The following GRM5 variants were observed in gnomAD, a reference collection of about 807,000 sequenced individuals.
The protein encoded by GRM5 is glutamate metabotropic receptor 5.
In GRM5, 19 loss-of-function variants were observed where a neutral mutation model predicts 83.1. That is an observed-to-expected ratio of 0.23 (90% CI 0.16 to 0.34). The LOEUF is 0.34. Among genes scored for constraint, GRM5 ranks in the 10% least tolerant of loss-of-function variants. GRM5 has a pLI of 1.00. For missense variants in GRM5, 1,160 were observed against 1,588.3 expected, an observed-to-expected ratio of 0.73 and a Z score of 4.58; for synonymous variants, 675 against 633.6, an observed-to-expected ratio of 1.07 and a Z score of -0.98.
At chr11:88,571,057 T>C (rs1942989415) in intron 7 of GRM5, among the ~76,000 whole-genome samples, 1 of 152,178 alleles carries the variant, frequency 6.6e-6, no homozygotes, top group Non-Finnish European at 1.5e-5. Context: ...AAGAATGAGC[T>C]GGAAAAAGTA....
At chr11:88,979,918 T>C (rs918050536) in intron 2 of GRM5, among the ~76,000 whole-genome samples, 18 of 152,336 alleles carry the variant, frequency 1.2e-4, no homozygotes, top group South Asian at 8.3e-4. Flanking sequence ...CAGATTCTTA[T>C]TGAAGACCTC....
At chr11:88,630,836 C>G (rs1938950037) in intron 4 of GRM5, among the ~76,000 whole-genome samples, 1 of 152,156 alleles carries the variant, frequency 6.6e-6, no homozygotes, top group Non-Finnish European at 1.5e-5. Context: ...CCTCGGCCTC[C>G]CAAAGTGCTG....
chr11:88,512,762 G>T (rs1345798376), intron 9 of GRM5, among the ~76,000 whole-genome samples: 1 of 152,138 alleles, frequency 6.6e-6, no homozygotes, highest in Non-Finnish European at 1.5e-5. Flanking sequence ...GAAAAGAGCT[G>T]GTAAAGAGAA....
At chr11:89,059,161 A>G (rs1378487304) in intron 1 of GRM5, among the ~76,000 whole-genome samples, 2 of 152,156 alleles carry the variant, frequency 1.3e-5, no homozygotes, top group Admixed American at 6.5e-5. Flanking sequence ...CTGAACCAGC[A>G]TTATTGTGAA....
At chr11:88,585,741 T>C (rs1943300504) in intron 7 of GRM5, among the ~76,000 whole-genome samples, 2 of 152,106 alleles carry the variant, frequency 1.3e-5, no homozygotes, top group Non-Finnish European at 1.5e-5. Flanking sequence ...ATATTCAGTA[T>C]CTTATTATTA....
chr11:88,630,848 G>C (rs562329375), intron 4 of GRM5, among the ~76,000 whole-genome samples: 92 of 152,208 alleles, frequency 6.0e-4, no homozygotes, highest in Admixed American at 1.8e-3. Context: ...AAAGTGCTGG[G>C]ATTACAGGCA....
At chr11:88,537,306 T>A (rs924784302) in intron 8 of GRM5, among the ~76,000 whole-genome samples, 2 of 152,146 alleles carry the variant, frequency 1.3e-5, no homozygotes, top group Non-Finnish European at 2.9e-5. Context: ...GCAAACAGAT[T>A]GGCATTTCTC....
chr11:88,984,789 A>T, intron 2 of GRM5: 1 of 739,954 alleles, frequency 1.4e-6, no homozygotes, highest in East Asian at 2.5e-5. Flanking sequence ...AAACAGAGAG[A>T]CAGCACTTGG....
In GRM5 at chr11:88,583,006, T is replaced by C. The variant is rs972688224; in HGVS notation, c.1690+7595A>G. Among the ~76,000 whole-genome samples the C allele has an allele frequency of 7.2e-5, 11 of 151,952 alleles. No individual in the cohort carries two copies. The South Asian group carries it at 2.3e-3, about 32-fold the overall frequency. ...GTTTCATTCAACTGTAGAATAATAA[T>C]CTCAACCTTAAAGGATTAAAAAAGG... On this transcript the variant is annotated intron_variant, in intron 7 of 9. Transcript: ENST00000305447.
At chr11:88,899,258 T>G (rs1170787853) in intron 2 of GRM5, among the ~76,000 whole-genome samples, 1 of 151,872 alleles carries the variant, frequency 6.6e-6, no homozygotes, top group Non-Finnish European at 1.5e-5. Flanking sequence ...GCAGAGGGTA[T>G]AGGGAGAAGT....
rs370688759 is a variant in GRM5, at chr11:88,761,736, G to A, written c.911+88170C>T. Among the ~76,000 whole-genome samples the A allele has an allele frequency of 9.2e-5, 14 of 151,946 alleles. No homozygotes were observed. In the East Asian group the frequency reaches 2.5e-3, roughly 27 times the overall value. The stretch of plus-strand genomic sequence containing the variant: ...TCATCTGGAACCAAAAAAAGGTTCC[G>A]AATAGCCAAGACAATTCCAAGCAAA... On this transcript the variant is annotated intron_variant, in intron 3 of 9. Transcript: ENST00000305447.
Position 88,567,859 on chromosome 11 carries a change from T to A in GRM5, c.1824A>T (p.Pro608=), listed in dbSNP as rs775652225. The A allele has an allele frequency of 4.3e-6, 7 of 1,613,918 alleles. No individual in the cohort carries two copies. The South Asian group carries it at 7.7e-5, about 18-fold the overall frequency. ...TVVFIIYRDT[P]VVKSSSRELC... is the part of the protein sequence containing the mutation. ...GTTCCCTGCTTGAGGACTTGACTAC[T>A]GGTGTATCACGGTAAATGATGAAGA... is the stretch of plus-strand genomic sequence containing the variant. The change falls in exon 8 of 10, where the codon CCA becomes CCT. Residue 608 remains proline (P), a synonymous_variant. Coordinates refer to ENST00000305447, the MANE Select transcript of GRM5 (RefSeq NM_001143831.3). The surrounding 1 kb of genome is among the most constrained non-coding windows in gnomAD (Gnocchi z 7.3).
At chr11:89,010,097 C>G (rs4753210) in intron 2 of GRM5, among the ~76,000 whole-genome samples, 97,664 of 149,404 alleles carry the variant, frequency 0.65, 33,118 homozygotes, top group African/African-American at 0.84. Context: ...ATGTATATGG[C>G]CATATACATT....
chr11:88,924,217 A>G lies in GRM5; in HGVS notation c.662-74062T>C, dbSNP rs1292144281. On this transcript the variant is annotated intron_variant, in intron 2 of 9. Transcript: ENST00000305447. ...ATGTACACTGTTTCTGAGAATGTAA[A>G]TTGGTACAACCATTTTGGAAAATAG... 3.8e-4 allele frequency among the ~76,000 whole-genome samples: 56 copies of G among 148,784 alleles called. 1 individual carries two copies. The Admixed American group carries it at 3.8e-3, about 10-fold the overall frequency.
chr11:88,508,973 G>A lies in GRM5; in HGVS notation c.3258C>T (p.Ser1086=). 6.3e-7 allele frequency: 1 copy of A among 1,585,658 alleles called. No individual in the cohort carries two copies. The highest frequency in any genetic ancestry group is 8.6e-7 in the Non-Finnish European group (1 of 1,165,860). ...NSMMLSTAAP[S]PGVGAPLCSS... is the part of the protein sequence containing the mutation. ...AGCAGAGCGGGGCGCCGACGCCGGGGCTGGGGGCCGCGGTGGACAGCATCA... is the reference window on the plus strand; with the variant it reads ...AGCAGAGCGGGGCGCCGACGCCGGGACTGGGGGCCGCGGTGGACAGCATCA... The change falls in exon 10 of 10, where the codon AGC becomes AGT. Residue 1086 remains serine, a synonymous_variant. Transcript: ENST00000305447. The surrounding 1 kb of genome is among the most constrained non-coding windows in gnomAD (Gnocchi z 4.2).
At chr11:89,063,248 A>G (rs1942032817) in intron 1 of GRM5, among the ~76,000 whole-genome samples, 1 of 151,564 alleles carries the variant, frequency 6.6e-6, no homozygotes, top group Admixed American at 6.6e-5. Flanking sequence ...CTCCTTTTCA[A>G]CCCTTGCAGC....
chr11:88,829,215 C>A (rs1240384229), intron 3 of GRM5, among the ~76,000 whole-genome samples: 1 of 152,158 alleles, frequency 6.6e-6, no homozygotes, highest in Non-Finnish European at 1.5e-5. Flanking sequence ...AATTCCAACG[C>A]TTTGGGAGGA....
chr11:88,649,364 AAAT>A (rs1438596431), intron 4 of GRM5, among the ~76,000 whole-genome samples: 1 of 141,450 alleles, frequency 7.1e-6, no homozygotes, highest in Admixed American at 7.5e-5. Context: ...ATAATATATT[AAAT>A]ATTACATATA....
chr11:89,022,318 C>T (rs1298615855), intron 2 of GRM5, among the ~76,000 whole-genome samples: 1 of 151,862 alleles, frequency 6.6e-6, no homozygotes, highest in African/African-American at 2.4e-5. Context: ...GAATATGATC[C>T]ACCACAAGGT....
Sources: allele counts gnomAD v4.1 joint callset (sites outside exome capture counted in the v4.1 genomes callset), GRCh38; gene constraint gnomAD v4.1.1; non-coding constraint Gnocchi (gnomAD v3.1); transcripts MANE v1.5; gene names NCBI Gene and HGNC (gene_info 2026-07-23, HGNC 2026-07-21).